FAM193B: variants seen among roughly 807,000 people sequenced by gnomAD.
FAM193B encodes family with sequence similarity 193 member B, also known as protein FAM193B.
Under a neutral mutation model 70.7 loss-of-function variants are expected in FAM193B, and 27 were observed. That is an observed-to-expected ratio of 0.38 (90% CI 0.28 to 0.53). The LOEUF is 0.53. FAM193B is among the 20% of genes least tolerant of loss of function. The pLI is 0.81. For missense variants in FAM193B, 1,022 were observed against 1,072.5 expected (o/e 0.95, Z 0.66); for synonymous variants, 448 against 436.0 (o/e 1.03, Z -0.34).
At chr5:177,552,920 T>C (rs1457427511) in intron 1 of FAM193B, among the ~76,000 whole-genome samples, 2 of 152,220 alleles carry the variant, frequency 1.3e-5, no homozygotes, top group Non-Finnish European at 1.5e-5. Context: ...CTAGTTATTT[T>C]TATTCTGTGT....
intron 1 of FAM193B, among the ~76,000 whole-genome samples, chr5:177,541,551 C>G (rs112166112): frequency 6.6e-6 from 1 of 152,022 alleles, no homozygotes; most frequent in Non-Finnish European, 1.5e-5. Context: ...CCCGAGTAGC[C>G]GGGACTACAG....
In FAM193B at chr5:177,524,818, G is replaced by A. The variant is rs1477986145; in HGVS notation, c.1663C>T (p.Pro555Ser). Residue 555 changes from proline (P) to serine (S), a missense_variant, in exon 6 of 9, where the codon CCA (proline) becomes TCA (serine). Physicochemically the swap from Pro to Ser is moderately conservative, Grantham distance 74 (BLOSUM62 -1). Coordinates refer to ENST00000514747, the MANE Select transcript of FAM193B (RefSeq NM_001190946.3). ...HTLQAPGEPA[P>S]PWAEMRGPHP... ...GGGCCTCTCATTTCTGCCCATGGTG[G>A]GGCTGGCTCGCCTGGAGCTTGTAAC... is the stretch of plus-strand genomic sequence containing the variant. The A allele has an allele frequency of 6.6e-7, 1 of 1,511,096 alleles. No individual in the cohort carries two copies. The highest frequency in any genetic ancestry group is 1.4e-5 in the African/African-American group (1 of 71,648). The allele number at this position is 1,511,096 out of a possible 1,614,324, so 93.6% of individuals were successfully genotyped here. A position where few individuals can be genotyped will look rare whatever the true frequency, so the allele number is the denominator to read the frequency against.
intron 4 of FAM193B, among the ~76,000 whole-genome samples, chr5:177,533,412 C>A (rs1763776812): frequency 6.6e-6 from 1 of 151,636 alleles, no homozygotes; most frequent in Non-Finnish European, 1.5e-5. Context: ...TCACGCCATT[C>A]TCCTGCCTCA....
At position 177,532,339 on chromosome 5, in the gene FAM193B, G is replaced by GT. The variant is rs1256316588; in HGVS notation, c.1275+103dup. ...TGCAAGGACTCACGGCCCCAGCACG[G>GT]TAATTACCACCGTGAGCAACGGGGT... On this transcript the variant is annotated intron_variant, in intron 5 of 8. Transcript: ENST00000514747. The surrounding 1 kb of genome is among the most constrained non-coding windows in gnomAD (Gnocchi z 4.9). The GT allele has an allele frequency of 3.3e-6, 5 of 1,503,744 alleles. No individual in the cohort carries two copies. Among genetic ancestry groups the GT allele is most frequent in the African/African-American group, 2.8e-5 (2 of 70,818 alleles). The allele number at this position is 1,503,744 out of a possible 1,614,324, so 93.2% of individuals were successfully genotyped here. A position where few individuals can be genotyped will look rare whatever the true frequency, so the allele number is the denominator to read the frequency against.
chr5:177,536,403 G>A lies in FAM193B; in HGVS notation c.1031C>T (p.Pro344Leu), dbSNP rs1430824875. The change falls in exon 4 of 9, where the codon CCT (proline) becomes CTT (leucine). Residue 344 changes from proline (P) to leucine (L), a missense_variant. Pro to Leu is a moderately conservative substitution (Grantham distance 98). Transcript: ENST00000514747. ...CTGAGAGCTCGGGGGTGGGAGGAGA[G>A]GCCCACTGCAGTGCCCACCACAGTG... ...SGHCGGHCSG[P>L]LLPPPSSQPL... 1 of 1,608,772 alleles carries A rather than the reference G, an allele frequency of 6.2e-7. No homozygotes were observed. Among genetic ancestry groups the A allele is most frequent in the East Asian group, 2.2e-5 (1 of 44,652 alleles).
At chr5:177,521,872 C>T (rs1761798708) in intron 8 of FAM193B, 102 bp downstream of exon 8, 1 of 886,250 alleles carries the variant, frequency 1.1e-6, no homozygotes, top group Non-Finnish European at 1.8e-6. Context: ...GCCCCAAGTC[C>T]AACTCCCTGT....
At chr5:177,529,442 C>T (rs981451194) in intron 5 of FAM193B, among the ~76,000 whole-genome samples, 5 of 152,048 alleles carry the variant, frequency 3.3e-5, no homozygotes, top group Admixed American at 3.3e-4. Context: ...CTTGATGCAT[C>T]ACGCTGCCAC....
chr5:177,531,210 A>G, intron 5 of FAM193B: 2 of 1,201,346 alleles, frequency 1.7e-6, no homozygotes, highest in Non-Finnish European at 2.1e-6. Context: ...TTCATGCCCC[A>G]GAAGTCCTGG....
At chr5:177,531,423 G>T in intron 5 of FAM193B, 1 of 1,361,656 alleles carries the variant, frequency 7.3e-7, no homozygotes, top group African/African-American at 1.5e-5. Flanking sequence ...CGCCCAGGGT[G>T]CCCCCCTTCA....
At chr5:177,537,671 A>G (rs1764332344) in intron 3 of FAM193B, among the ~76,000 whole-genome samples, 1 of 152,220 alleles carries the variant, frequency 6.6e-6, no homozygotes, top group African/African-American at 2.4e-5. Context: ...TTTTTCTATT[A>G]GCAGTATTTT....
At chr5:177,539,306 G>A (rs1201157761) in intron 1 of FAM193B, 159 bp from the exon 2 acceptor site, 7 of 851,112 alleles carry the variant, frequency 8.2e-6, no homozygotes, top group Admixed American at 3.2e-5. Flanking sequence ...CTCTGCAAAC[G>A]AGGTGTTCTT....
At chr5:177,547,400 T>C (rs956897118) in intron 1 of FAM193B, among the ~76,000 whole-genome samples, 6 of 148,348 alleles carry the variant, frequency 4.0e-5, no homozygotes, top group East Asian at 4.1e-4. Flanking sequence ...TTCTCCTGCC[T>C]CAGCCTCCTG....
intron 5 of FAM193B, among the ~76,000 whole-genome samples, chr5:177,528,948 G>T (rs1242850540): frequency 6.6e-6 from 1 of 152,170 alleles, no homozygotes. Flanking sequence ...GGGTCTGAAG[G>T]AAAGACAGCG....
At chr5:177,520,350 G>A (rs1761526631) in intron 8 of FAM193B, among the ~76,000 whole-genome samples, 169 bp from the exon 9 acceptor site, 2 of 152,244 alleles carry the variant, frequency 1.3e-5, no homozygotes, top group Non-Finnish European at 2.9e-5. Flanking sequence ...AGCAGAGGAT[G>A]CAGGTTAACG....
chr5:177,549,442 C>A (rs373844671), intron 1 of FAM193B, among the ~76,000 whole-genome samples: 5 of 152,266 alleles, frequency 3.3e-5, no homozygotes, highest in African/African-American at 1.2e-4. Flanking sequence ...ATCCTCCCGC[C>A]TCGGCCTCCC....
At chr5:177,554,207 T>C in intron 1 of FAM193B, 42 bp downstream of exon 1, 1 of 1,482,142 alleles carries the variant, frequency 6.7e-7, no homozygotes, top group Non-Finnish European at 8.9e-7. Context: ...TCGGGGAAGG[T>C]GAAAGCGCCC....
At chr5:177,525,982 A>G (rs1282003711) in intron 5 of FAM193B, among the ~76,000 whole-genome samples, 1 of 152,242 alleles carries the variant, frequency 6.6e-6, no homozygotes, top group East Asian at 1.9e-4. Flanking sequence ...GACAGGCGGC[A>G]GATAAAAAAC....
At chr5:177,520,530 C>T (rs1000822664) in intron 8 of FAM193B, among the ~76,000 whole-genome samples, 19 of 151,912 alleles carry the variant, frequency 1.3e-4, no homozygotes, top group African/African-American at 3.6e-4. Context: ...GGTGAAGAGG[C>T]TCAAAGGAGA....
intron 1 of FAM193B, among the ~76,000 whole-genome samples, chr5:177,540,441 G>A (rs1376991765): frequency 6.6e-6 from 1 of 152,036 alleles, no homozygotes; most frequent in Admixed American, 6.5e-5. Flanking sequence ...CTTTGTATCT[G>A]CCCCCACTCT....
Sources: gnomAD v4.1 joint callset for allele counts (sites outside exome capture counted in the v4.1 genomes callset) on GRCh38, gnomAD v4.1.1 for gene constraint, Gnocchi (gnomAD v3.1) non-coding constraint, MANE v1.5 for transcripts, NCBI Gene and HGNC (gene_info 2026-07-23, HGNC 2026-07-21) for gene names.